The following CLNK variants were observed in gnomAD, a reference collection of about 807,000 sequenced individuals.
The protein encoded by CLNK is cytokine dependent hematopoietic cell linker, also known as cytokine-dependent hematopoietic cell linker.
CLNK carries 74 observed loss-of-function variants against 68.6 expected under a neutral mutation model. The observed-to-expected ratio is 1.08, with a 90% CI of 0.89 to 1.31. The LOEUF (loss-of-function observed/expected upper bound fraction) is 1.31, where lower values mean the gene tolerates loss of function less well. Among genes scored for constraint, CLNK ranks in the 50% most tolerant of loss-of-function variants. CLNK has a pLI of 0.00. For missense variants in CLNK, 553 were observed against 515.3 expected (o/e 1.07, Z -0.71); for synonymous variants, 198 against 172.2 (o/e 1.15, Z -1.17).
intron 2 of CLNK, among the ~76,000 whole-genome samples, chr4:10,613,279 C>T (rs1560242215): frequency 6.6e-6 from 1 of 152,028 alleles, no homozygotes; most frequent in African/African-American, 2.4e-5. Flanking sequence ...ATGAATAGTC[C>T]TTGGGGTGGT....
chr4:10,604,679 A>G (rs781523855), intron 2 of CLNK, among the ~76,000 whole-genome samples: 7 of 151,080 alleles, frequency 4.6e-5, no homozygotes, highest in Admixed American at 2.0e-4. Flanking sequence ...TCACATTTTT[A>G]TATTAGGAGA....
In CLNK at chr4:10,588,525, G is replaced by A. The variant is rs75016583; in HGVS notation, c.84-3570C>T. Among the ~76,000 whole-genome samples the A allele has an allele frequency of 6.1e-3, 921 of 152,212 alleles. 18 individuals are homozygous for A. The East Asian group carries it at 0.065, about 11-fold the overall frequency. On this transcript the variant is annotated intron_variant, in intron 3 of 18. Transcript: ENST00000226951. ...CACCAAACAGAAAATAAAATAACTC[G>A]TATTCGTGAGCACCTGTTTGGGCAC...
intron 4 of CLNK, 122 bp from the exon 5 acceptor site, chr4:10,571,900 G>T (rs1366102955): frequency 2.7e-6 from 2 of 731,014 alleles, no homozygotes; most frequent in Non-Finnish European, 4.6e-6. Flanking sequence ...TACCTTGATT[G>T]TGATTTTTCA....
At chr4:10,586,919 C>T (rs1720989719) in intron 3 of CLNK, among the ~76,000 whole-genome samples, 1 of 151,460 alleles carries the variant, frequency 6.6e-6, no homozygotes. Context: ...ATTTATGTGT[C>T]TTCTTTCGTA....
At chr4:10,713,749 C>T in the CLNK span, among the ~76,000 whole-genome samples, 1 of 152,062 alleles carries the variant, frequency 6.6e-6, no homozygotes, top group African/African-American at 2.4e-5. Context: ...TTAAAAGGAG[C>T]ATGGCATCCC....
chr4:10,501,357 C>A lies in CLNK; in HGVS notation c.1039G>T (p.Val347Phe), dbSNP rs1008832773. 1.2e-6 allele frequency: 2 copies of A among 1,610,306 alleles called. No individual in the cohort carries two copies. Among genetic ancestry groups the A allele is most frequent in the Admixed American group, 1.7e-5 (1 of 58,648 alleles). ...CSTKSKEEPY[V>F]LAVFYENKVY... Reference sequence around the variant, plus strand: ...TTGTTCTCATAAAACACAGCCAAAACATAGGGCTCTTCCTTGGATTTTGTG... The same window carrying A: ...TTGTTCTCATAAAACACAGCCAAAAAATAGGGCTCTTCCTTGGATTTTGTG... The change falls in exon 18 of 19, where the codon GTT becomes TTT. Residue 347 changes from valine to phenylalanine, a missense_variant. Transcript: ENST00000226951.
At chr4:10,664,214 T>A (rs1368566205) in intron 2 of CLNK, among the ~76,000 whole-genome samples, 1 of 120,376 alleles carries the variant, frequency 8.3e-6, no homozygotes, top group South Asian at 3.1e-4. Flanking sequence ...TTACATTCAG[T>A]TGAGCATTAA....
chr4:10,644,760 C>T (rs1723445367), intron 2 of CLNK, among the ~76,000 whole-genome samples: 1 of 152,320 alleles, frequency 6.6e-6, no homozygotes, highest in South Asian at 2.1e-4. Context: ...TTCCTTTTCT[C>T]ACTGACTTCA....
chr4:10,508,017 C>A lies in CLNK; in HGVS notation c.926G>T (p.Trp309Leu), dbSNP rs774680988. ...CTGGCGGCTGTATTCTCCAATGTAC[C>A]ATTCATTGTGCTGGACATCCTGCAG... Reference protein sequence around the residue: ...SDRKDVQHNEWYIGEYSRQAV... With the variant: ...SDRKDVQHNELYIGEYSRQAV... Residue 309 changes from tryptophan to leucine, a missense_variant, in exon 17 of 19, where the codon TGG becomes TTG. By Grantham distance (61) the Trp-to-Leu change is moderately conservative. Coordinates refer to ENST00000226951, the MANE Select transcript of CLNK (RefSeq NM_052964.4). 1 of 1,611,188 alleles carries A rather than the reference C, an allele frequency of 6.2e-7. No individual in the cohort carries two copies. Among genetic ancestry groups the A allele is most frequent in the Admixed American group, 1.7e-5 (1 of 59,710 alleles).
intron 5 of CLNK, 123 bp from the exon 6 acceptor site, chr4:10,566,273 T>A: frequency 1.1e-6 from 1 of 924,186 alleles, no homozygotes; most frequent in Non-Finnish European, 1.6e-6. Context: ...TTTAAGAATC[T>A]AGGGTCTGGG....
At chr4:10,657,389 G>T (rs1307328991) in intron 2 of CLNK, among the ~76,000 whole-genome samples, 1 of 152,184 alleles carries the variant, frequency 6.6e-6, no homozygotes, top group African/African-American at 2.4e-5. Flanking sequence ...TAAAAACTGA[G>T]AATGCATACA....
At chr4:10,494,650 G>A (rs942028483) in intron 18 of CLNK, among the ~76,000 whole-genome samples, 5 of 152,032 alleles carry the variant, frequency 3.3e-5, no homozygotes, top group African/African-American at 9.7e-5. Context: ...GTAGAGACAG[G>A]GTTTCATCAT....
At chr4:10,571,336 T>A (rs867044640) in intron 5 of CLNK, among the ~76,000 whole-genome samples, 6,093 of 141,398 alleles carry the variant, frequency 0.043, 239 homozygotes, top group Middle Eastern at 0.1. Context: ...CTTTTTTTTT[T>A]TTTTTTTTTT....
chr4:10,696,599 T>C, the CLNK span, among the ~76,000 whole-genome samples: 2 of 152,186 alleles, frequency 1.3e-5, no homozygotes, highest in Admixed American at 6.5e-5. Flanking sequence ...CAGTGGGCTG[T>C]AAGGGCTGTA....
At chr4:10,722,840 A>T in the CLNK span, among the ~76,000 whole-genome samples, 1 of 152,204 alleles carries the variant, frequency 6.6e-6, no homozygotes, top group Non-Finnish European at 1.5e-5. Context: ...ACCTAAGGTC[A>T]GGAGTTCGAG....
At chr4:10,615,326 C>G (rs1722186957) in intron 2 of CLNK, among the ~76,000 whole-genome samples, 1 of 152,102 alleles carries the variant, frequency 6.6e-6, no homozygotes, top group Non-Finnish European at 1.5e-5. Context: ...CTAAAAAATA[C>G]ACAAATTAGC....
intron 2 of CLNK, among the ~76,000 whole-genome samples, chr4:10,621,162 C>T (rs1250077451): frequency 2.0e-5 from 3 of 152,052 alleles, no homozygotes; most frequent in Admixed American, 6.5e-5. Flanking sequence ...GGTAAGTGGC[C>T]GCTGCAGGCC....
intron 4 of CLNK, among the ~76,000 whole-genome samples, chr4:10,578,058 A>G (rs1720637304): frequency 6.6e-6 from 1 of 152,174 alleles, no homozygotes; most frequent in Non-Finnish European, 1.5e-5. Flanking sequence ...GTAGAATGGG[A>G]ATAATACTAC....
At chr4:10,696,917 C>G in the CLNK span, among the ~76,000 whole-genome samples, 1 of 152,228 alleles carries the variant, frequency 6.6e-6, no homozygotes, top group East Asian at 1.9e-4. Flanking sequence ...CCCCAGATCA[C>G]TGATTAAAAT....
Sources: allele counts gnomAD v4.1 joint callset (sites outside exome capture counted in the v4.1 genomes callset), GRCh38; gene constraint gnomAD v4.1.1; transcripts MANE v1.5; gene names NCBI Gene and HGNC (gene_info 2026-07-23, HGNC 2026-07-21).